The following KYNU variants were observed in gnomAD, a reference collection of about 807,000 sequenced individuals.
KYNU encodes L-kynurenine hydrolase.
A neutral mutation model predicts 59.2 loss-of-function variants in KYNU; 54 were observed. The ratio of observed to expected loss-of-function variants is 0.91; its 90% confidence interval spans 0.73 to 1.14. The LOEUF is 1.14. Ranked by LOEUF, KYNU falls within the 50% of genes most tolerant of loss-of-function variation. The pLI is 0.00. For synonymous variants in KYNU, 177 were observed against 192.0 expected (o/e 0.92, Z 0.65); for missense variants, 567 against 554.4 (o/e 1.02, Z -0.23).
intron 2 of KYNU, among the ~76,000 whole-genome samples, chr2:142,912,448 CG>C (rs2104975091): frequency 7.1e-6 from 1 of 140,248 alleles, no homozygotes; most frequent in South Asian, 2.2e-4. Flanking sequence ...GGTGCGATCT[CG>C]GCTCACCACA....
Position 142,891,310 on chromosome 2 carries a change from T to C in KYNU, c.169+5774T>C, listed in dbSNP as rs1386649001. ...CTAGCCTAGGCAAACAGTAATCTAC[T>C]GAACTTGCTGTTATTTTGATCTATA... On this transcript the variant is annotated intron_variant, in intron 2 of 13. Transcript: ENST00000264170. Among the ~76,000 whole-genome samples, 3 of 152,308 alleles carry C rather than the reference T, an allele frequency of 2.0e-5. No individual in the cohort carries two copies. In the East Asian group the frequency reaches 5.8e-4, roughly 29 times the overall value.
In KYNU at chr2:142,989,620, A is replaced by G. The variant is rs879108153; in HGVS notation, c.902+3599A>G. On this transcript the variant is annotated intron_variant, in intron 10 of 13. Coordinates refer to ENST00000264170, the MANE Select transcript of KYNU (RefSeq NM_003937.3). ...TTTGAATTATGTGTTCTTCTTTTTG[A>G]CAATTTGACTATATGTTGATAGTGC... 23 of 467,074 alleles carry G rather than the reference A, an allele frequency of 4.9e-5. No homozygotes were observed. The Middle Eastern group carries it at 3.2e-3, about 66-fold the overall frequency. The allele number at this position is 467,074 out of a possible 1,614,324, so 28.9% of individuals were successfully genotyped here. A position where few individuals can be genotyped will look rare whatever the true frequency, so the allele number is the denominator to read the frequency against.
rs1402415169 is a variant in KYNU, at chr2:142,939,794, G to A, written c.373+12053G>A. ...AATTTACAACTATTATTGAAGAAAA[G>A]AACAGTAAGAAACCAGAAAGTAGTA... On this transcript the variant is annotated intron_variant, in intron 4 of 13. Coordinates refer to ENST00000264170, the MANE Select transcript of KYNU (RefSeq NM_003937.3). Among the ~76,000 whole-genome samples the A allele has an allele frequency of 2.0e-5, 3 of 152,160 alleles. No homozygotes were observed. In the East Asian group the frequency reaches 5.8e-4, roughly 29 times the overall value.
intron 7 of KYNU, 135 bp from the exon 8 acceptor site, chr2:142,960,489 T>G: frequency 1.5e-6 from 1 of 655,162 alleles, no homozygotes; most frequent in Non-Finnish European, 2.5e-6. Context: ...TATGCCAGAT[T>G]TTTAAAGAAC....
At chr2:143,028,804 C>T (rs1218423208) in intron 10 of KYNU, among the ~76,000 whole-genome samples, 18 of 152,006 alleles carry the variant, frequency 1.2e-4, no homozygotes, top group African/African-American at 4.3e-4. Context: ...GCCAAGATTG[C>T]TCCATTGCAC....
intron 10 of KYNU, among the ~76,000 whole-genome samples, chr2:142,987,551 T>C (rs192196827): frequency 9.5e-4 from 144 of 152,094 alleles, no homozygotes; most frequent in Middle Eastern, 3.4e-3. Context: ...AGAAAGACCA[T>C]CTAGGCAGAC....
intron 8 of KYNU, among the ~76,000 whole-genome samples, chr2:142,981,030 A>C (rs1169222789): frequency 6.6e-6 from 1 of 152,122 alleles, no homozygotes; most frequent in Non-Finnish European, 1.5e-5. Flanking sequence ...TCATGTTTGT[A>C]TCTTCCAGTT....
rs796438414 is a variant in KYNU at position 142,903,207 on chromosome 2, G to T, written c.170-15402G>T. 6.6e-5 allele frequency among the ~76,000 whole-genome samples: 10 copies of T among 152,114 alleles called. No homozygotes were observed. In the South Asian group the frequency reaches 2.1e-3, roughly 32 times the overall value. On this transcript the variant is annotated intron_variant, in intron 2 of 13. Transcript: ENST00000264170. Reference sequence around the variant, plus strand: ...TTTTGGAGTCCTTGTTGGGCCTCGGGTCTAAGGGGGTACTGCCTTTGGTAG... The same window carrying T: ...TTTTGGAGTCCTTGTTGGGCCTCGGTTCTAAGGGGGTACTGCCTTTGGTAG...
intron 2 of KYNU, among the ~76,000 whole-genome samples, chr2:142,911,515 AT>A (rs1320494411): frequency 1.3e-5 from 2 of 151,834 alleles, no homozygotes; most frequent in South Asian, 2.1e-4. Flanking sequence ...AAGATAGATA[AT>A]TTTTTTTCTA....
chr2:142,938,193 T>C (rs542099300), intron 4 of KYNU, among the ~76,000 whole-genome samples: 3 of 152,372 alleles, frequency 2.0e-5, no homozygotes, highest in African/African-American at 7.2e-5. Flanking sequence ...AAGTGACTGC[T>C]TTTTGGTTTG....
intron 8 of KYNU, among the ~76,000 whole-genome samples, chr2:142,975,274 A>G (rs1179319956): frequency 6.6e-6 from 1 of 152,172 alleles, no homozygotes; most frequent in African/African-American, 2.4e-5. Context: ...AGGCAGCTGG[A>G]CAGTCAGAGA....
At chr2:142,947,505 TCATTA>T (rs1157928459) in intron 4 of KYNU, 1 of 257,830 alleles carries the variant, frequency 3.9e-6, no homozygotes, top group African/African-American at 2.2e-5. Flanking sequence ...CCTTTCTTGC[TCATTA>T]CCTTGATCCC....
At chr2:142,945,704 G>T (rs34204027) in intron 4 of KYNU, among the ~76,000 whole-genome samples, 27,557 of 151,730 alleles carry the variant, frequency 0.18, 3,325 homozygotes, top group African/African-American at 0.33. Context: ...ACTATCTGTG[G>T]CAACAATATC....
At chr2:143,001,343 C>G (rs1227672263) in intron 10 of KYNU, among the ~76,000 whole-genome samples, 1 of 152,158 alleles carries the variant, frequency 6.6e-6, no homozygotes, top group Non-Finnish European at 1.5e-5. Context: ...TTGTCTTATG[C>G]TGTCTCTCTC....
At chr2:142,997,412 T>C (rs1272567891) in intron 10 of KYNU, among the ~76,000 whole-genome samples, 1 of 152,182 alleles carries the variant, frequency 6.6e-6, no homozygotes. Context: ...AATCATGCTG[T>C]ACCCAGCATG....
intron 10 of KYNU, among the ~76,000 whole-genome samples, chr2:142,991,743 C>A (rs1422086980): frequency 6.6e-6 from 1 of 151,830 alleles, no homozygotes; most frequent in African/African-American, 2.4e-5. Flanking sequence ...AGTCCTTAAT[C>A]CTCTTGCCCA....
Position 143,053,651 on chromosome 2 carries a change from A to G in KYNU, c.*11479A>G, listed in dbSNP as rs1188334055. On this transcript the variant is annotated 3_prime_UTR_variant, in exon 14 of 14. Coordinates refer to ENST00000264170, the MANE Select transcript of KYNU (RefSeq NM_003937.3). ...TTTATAAAGGGGAGTTTCCCTGCCCAAGTTCTTCTCTTGTCTGCCATCATG... is the reference window on the plus strand; with the variant it reads ...TTTATAAAGGGGAGTTTCCCTGCCCGAGTTCTTCTCTTGTCTGCCATCATG... The G allele has an allele frequency of 1.3e-5, 2 of 152,364 alleles. No individual in the cohort carries two copies. The highest frequency in any genetic ancestry group is 2.9e-5 in the Non-Finnish European group (2 of 68,226). The allele number at this position is 152,364 out of a possible 1,614,324, so 9.4% of individuals were successfully genotyped here.
At chr2:142,896,267 G>A (rs11902598) in intron 2 of KYNU, among the ~76,000 whole-genome samples, 58,226 of 152,050 alleles carry the variant, frequency 0.38, 11,312 homozygotes, top group South Asian at 0.55. Flanking sequence ...GTGTGGGAAT[G>A]TCTGTTGTTC....
At chr2:142,883,186 C>CTTT (rs70997528) in intron 1 of KYNU, among the ~76,000 whole-genome samples, 12 of 72,036 alleles carry the variant, frequency 1.7e-4, no homozygotes, top group East Asian at 4.4e-4. Flanking sequence ...TCCCAAATTT[C>CTTT]TTTTTTTTTT....
Sources: gnomAD v4.1 joint callset for allele counts (sites outside exome capture counted in the v4.1 genomes callset) on GRCh38, gnomAD v4.1.1 for gene constraint, MANE v1.5 for transcripts, NCBI Gene and HGNC (gene_info 2026-07-23, HGNC 2026-07-21) for gene names.